Variants in MITF observed in about 807,000 individuals in gnomAD.
MITF encodes the protein melanocyte inducing transcription factor.
Under a neutral mutation model 60.5 loss-of-function variants are expected in MITF, and 17 were observed. The ratio of observed to expected loss-of-function variants is 0.28; its 90% CI spans 0.19 to 0.42. The LOEUF (loss-of-function observed/expected upper bound fraction) is 0.42. Among genes scored for constraint, MITF ranks in the 10% least tolerant of loss-of-function variants. The pLI, the probability that MITF is intolerant of heterozygous loss-of-function variation, is 1.00. For missense variants in MITF, 622 were observed against 683.5 expected, an observed-to-expected ratio of 0.91 and a Z score of 1.00; for synonymous variants, 260 against 248.5, an observed-to-expected ratio of 1.05 and a Z score of -0.43.
chr3:69,838,939 T>C (rs970354789), intron 1 of MITF, among the ~76,000 whole-genome samples: 1 of 152,214 alleles, frequency 6.6e-6, no homozygotes, highest in Non-Finnish European at 1.5e-5. Context: ...CAGCCCTTCA[T>C]GAACCTTTCT....
chr3:69,867,544 G>A (rs2064140067), intron 1 of MITF, among the ~76,000 whole-genome samples: 1 of 151,836 alleles, frequency 6.6e-6, no homozygotes, highest in African/African-American at 2.4e-5. Flanking sequence ...TCTATAAAAT[G>A]TTAGAGCATT....
intron 1 of MITF, among the ~76,000 whole-genome samples, chr3:69,742,779 G>A (rs1477480748): frequency 6.6e-6 from 1 of 152,134 alleles, no homozygotes; most frequent in Non-Finnish European, 1.5e-5. Flanking sequence ...TGTTGTTCTT[G>A]TTATTTTCTT....
chr3:69,869,522 G>A (rs979125588), intron 1 of MITF, among the ~76,000 whole-genome samples: 8 of 152,180 alleles, frequency 5.3e-5, no homozygotes, highest in African/African-American at 1.9e-4. Context: ...GCTGGGACAT[G>A]AGCCCACATA....
chr3:69,870,978 T>C (rs1042347124), intron 1 of MITF, among the ~76,000 whole-genome samples: 1 of 152,200 alleles, frequency 6.6e-6, no homozygotes, highest in Admixed American at 6.5e-5. Context: ...CCAGGGTACA[T>C]CAAACTGGCT....
intron 1 of MITF, chr3:69,763,645 G>A: frequency 1.6e-6 from 2 of 1,237,580 alleles, no homozygotes; most frequent in Non-Finnish European, 1.0e-6. Context: ...TCCTTTCTGA[G>A]ACGGTTCAGT....
chr3:69,851,785 G>A (rs764662458), intron 1 of MITF, among the ~76,000 whole-genome samples: 3 of 152,096 alleles, frequency 2.0e-5, no homozygotes, highest in African/African-American at 7.2e-5. Context: ...GTGAATTTTA[G>A]TGTATCTAAA....
chr3:69,914,185 G>A (rs2065283738), intron 2 of MITF, among the ~76,000 whole-genome samples: 3 of 152,056 alleles, frequency 2.0e-5, no homozygotes, highest in African/African-American at 7.2e-5. Context: ...ACAATGGTGT[G>A]ATCTTGGCTC....
chr3:69,742,355 C>T (rs1390515260), intron 1 of MITF, among the ~76,000 whole-genome samples: 2 of 152,060 alleles, frequency 1.3e-5, no homozygotes, highest in African/African-American at 2.4e-5. Context: ...TTATCTGGTC[C>T]CAAATTGTTA....
intron 1 of MITF, among the ~76,000 whole-genome samples, chr3:69,871,438 T>C (rs1340997933): frequency 6.6e-6 from 1 of 152,146 alleles, no homozygotes; most frequent in Non-Finnish European, 1.5e-5. Context: ...AGGAGGCTGG[T>C]TATTCAAGGT....
intron 2 of MITF, among the ~76,000 whole-genome samples, chr3:69,882,902 G>A (rs971851695): frequency 2.6e-5 from 4 of 152,236 alleles, no homozygotes; most frequent in East Asian, 1.9e-4. Context: ...GGGCTTTGAC[G>A]GTTGAAAGCT....
At chr3:69,841,765 G>A (rs2063641145) in intron 1 of MITF, among the ~76,000 whole-genome samples, 1 of 152,186 alleles carries the variant, frequency 6.6e-6, no homozygotes, top group Non-Finnish European at 1.5e-5. Context: ...TTTAGAAGTG[G>A]CAGGTCAATT....
At chr3:69,880,949 T>G (rs2064473034) in intron 2 of MITF, among the ~76,000 whole-genome samples, 1 of 152,046 alleles carries the variant, frequency 6.6e-6, no homozygotes, top group Non-Finnish European at 1.5e-5. Context: ...AAATCAATAT[T>G]CCTGTTAAGG....
rs566210934 is a variant in MITF at position 69,968,132 on chromosome 3, C to A, written c.*2884C>A. On this transcript the variant is annotated 3_prime_UTR_variant, in exon 10 of 10. Transcript: ENST00000352241. ...TGATGTCAATAACAGTATAAAACAG[C>A]CCTATTTCTTGATAAAAAATGACAA... 1 of 233,098 alleles carries A rather than the reference C, an allele frequency of 4.3e-6. No individual in the cohort carries two copies. 14.4% of individuals were successfully genotyped at this position (233,098 alleles called of 1,614,324 possible). A position where few individuals can be genotyped will look rare whatever the true frequency, so the allele number is the denominator to read the frequency against.
intron 1 of MITF, among the ~76,000 whole-genome samples, chr3:69,834,879 A>G (rs2063515062): frequency 7.0e-6 from 1 of 143,824 alleles, no homozygotes; most frequent in African/African-American, 2.6e-5. Flanking sequence ...AGCCATTCTA[A>G]CTGGAGTGAG....
At position 69,799,053 on chromosome 3, in the gene MITF, G is replaced by A. The variant is rs73838667; in HGVS notation, c.104+59352G>A. 2.5e-3 allele frequency among the ~76,000 whole-genome samples: 381 copies of A among 152,240 alleles called. 4 individuals are homozygous for A. Among genetic ancestry groups the A allele is most frequent in the African/African-American group, 8.8e-3 (364 of 41,526 alleles). On this transcript the variant is annotated intron_variant, in intron 1 of 9. Coordinates refer to ENST00000352241, the MANE Select transcript of MITF (RefSeq NM_001354604.2). ...GAGAGCGTCAGACTTGGATTACCAT[G>A]GTATGTTTCTTTAGTTCCCCAACAC... is the stretch of plus-strand genomic sequence containing the variant.
chr3:69,760,096 C>G (rs1046319239), intron 1 of MITF, among the ~76,000 whole-genome samples: 1 of 152,154 alleles, frequency 6.6e-6, no homozygotes, highest in Non-Finnish European at 1.5e-5. Context: ...TCATTTTTAT[C>G]AGTTTGTTTG....
At chr3:69,868,620 G>T (rs2064161323) in intron 1 of MITF, among the ~76,000 whole-genome samples, 1 of 152,094 alleles carries the variant, frequency 6.6e-6, no homozygotes, top group Non-Finnish European at 1.5e-5. Flanking sequence ...ACAGCTATTG[G>T]CTGGGCGCGG....
chr3:69,785,526 A>G (rs1014718834), intron 1 of MITF, among the ~76,000 whole-genome samples: 9 of 152,324 alleles, frequency 5.9e-5, no homozygotes, highest in Admixed American at 5.2e-4. Flanking sequence ...TAACCATAGT[A>G]CCATACTCTT....
chr3:69,833,748 A>G (rs1387388646), intron 1 of MITF, among the ~76,000 whole-genome samples: 5 of 150,622 alleles, frequency 3.3e-5, no homozygotes, highest in African/African-American at 9.8e-5. Flanking sequence ...TGTTTACACT[A>G]TATGTGATGG....
Sources: gnomAD v4.1 joint callset for allele counts (sites outside exome capture counted in the v4.1 genomes callset) on GRCh38, gnomAD v4.1.1 for gene constraint, MANE v1.5 for transcripts, NCBI Gene and HGNC (gene_info 2026-07-23, HGNC 2026-07-21) for gene names.